KDM4B: variants seen among roughly 807,000 people sequenced by gnomAD.
KDM4B encodes lysine demethylase 4B.
KDM4B carries 32 observed loss-of-function variants against 125.2 expected under a neutral mutation model. That is an observed-to-expected ratio of 0.26 (90% confidence interval 0.19 to 0.34). The LOEUF (loss-of-function observed/expected upper bound fraction) is 0.34, where lower values mean the gene tolerates loss of function less well. KDM4B is among the 10% of genes least tolerant of loss of function. The probability of loss-of-function intolerance (pLI) is 1.00; values close to 1 mark genes in which losing one functional copy is unlikely to be tolerated. For synonymous variants in KDM4B, 721 were observed against 677.9 expected (o/e 1.06, Z -0.99); for missense variants, 1,190 against 1,577.7 (o/e 0.75, Z 4.16).
At chr19:5,109,000 G>C (rs1193129946) in intron 9 of KDM4B, among the ~76,000 whole-genome samples, 1 of 152,188 alleles carries the variant, frequency 6.6e-6, no homozygotes, top group African/African-American at 2.4e-5. Context: ...ATCTAGACCA[G>C]CAATTTCCAA....
chr19:5,037,405 G>A (rs946004921), intron 3 of KDM4B, among the ~76,000 whole-genome samples: 13 of 152,196 alleles, frequency 8.5e-5, no homozygotes, highest in African/African-American at 2.9e-4. Context: ...CAATGTCTTC[G>A]TGTCTCACTG....
intron 9 of KDM4B, among the ~76,000 whole-genome samples, chr19:5,088,271 G>A (rs571738913): frequency 1.8e-4 from 27 of 152,332 alleles, no homozygotes; most frequent in Non-Finnish European, 3.8e-4. Flanking sequence ...GGTTCCATCA[G>A]CCAGATGCGC....
At chr19:5,084,602 A>G (rs914174835) in intron 9 of KDM4B, among the ~76,000 whole-genome samples, 3 of 143,542 alleles carry the variant, frequency 2.1e-5, no homozygotes, top group Non-Finnish European at 3.0e-5. Context: ...AATTATATAA[A>G]TTATATATAT....
chr19:4,981,543 C>T (rs182793318), intron 1 of KDM4B, among the ~76,000 whole-genome samples: 1 of 152,146 alleles, frequency 6.6e-6, no homozygotes, highest in East Asian at 1.9e-4. Context: ...TCTAAATGTG[C>T]CCCTGGGGCC....
chr19:5,045,475 T>C (rs2036996322), intron 5 of KDM4B, among the ~76,000 whole-genome samples: 1 of 152,090 alleles, frequency 6.6e-6, no homozygotes, highest in African/African-American at 2.4e-5. Flanking sequence ...CAACCTCCAC[T>C]TCCTGGGTTC....
chr19:5,102,608 C>T (rs1235075393), intron 9 of KDM4B, among the ~76,000 whole-genome samples: 7 of 152,160 alleles, frequency 4.6e-5, no homozygotes, highest in Admixed American at 4.6e-4. Context: ...CTCCCGGTCT[C>T]TTGCTGTTGG....
intron 9 of KDM4B, among the ~76,000 whole-genome samples, chr19:5,086,961 T>TA (rs1434079454): frequency 6.6e-6 from 1 of 152,242 alleles, no homozygotes; most frequent in Non-Finnish European, 1.5e-5. Context: ...AGCAGGTGGC[T>TA]TACCTACTTA....
intron 14 of KDM4B, 59 bp from the exon 15 acceptor site, chr19:5,135,280 C>G (rs771047128): frequency 1.6e-5 from 20 of 1,252,162 alleles, no homozygotes; most frequent in African/African-American, 5.9e-5. Flanking sequence ...AGGTCCGCGC[C>G]GCCCGCCCGC....
intron 1 of KDM4B, among the ~76,000 whole-genome samples, chr19:4,994,040 T>G (rs1287104345): frequency 2.0e-5 from 3 of 149,806 alleles, no homozygotes; most frequent in Non-Finnish European, 4.4e-5. Flanking sequence ...TTTTTTTTTT[T>G]TTGTTATTGT....
At chr19:4,976,064 A>G (rs751683011) in intron 1 of KDM4B, among the ~76,000 whole-genome samples, 3 of 151,582 alleles carry the variant, frequency 2.0e-5, no homozygotes, top group Non-Finnish European at 4.4e-5. Flanking sequence ...ATCCTGACCA[A>G]TATGGAGAAA....
rs1347803146 is a variant in KDM4B at position 4,997,865 on chromosome 19, G to A, written c.-108-18392G>A. On this transcript the variant is annotated intron_variant, in intron 1 of 22. Transcript: ENST00000159111. The surrounding 1 kb of genome is among the most constrained non-coding windows in gnomAD (Gnocchi z 4.2). ...CCTGGCGGGCCCCAGGGCCAGGAGTGAGGGGCGGACGTGCCACTCTGCACT... is the reference window on the plus strand; with the variant it reads ...CCTGGCGGGCCCCAGGGCCAGGAGTAAGGGGCGGACGTGCCACTCTGCACT... Among the ~76,000 whole-genome samples the A allele has an allele frequency of 6.6e-6, 1 of 152,282 alleles. No individual in the cohort carries two copies. Among genetic ancestry groups the A allele is most frequent in the Non-Finnish European group, 1.5e-5 (1 of 68,050 alleles).
At chr19:4,999,536 C>T (rs1313301456) in intron 1 of KDM4B, among the ~76,000 whole-genome samples, 3 of 152,136 alleles carry the variant, frequency 2.0e-5, no homozygotes, top group East Asian at 3.9e-4. Flanking sequence ...GTCTTTGCTT[C>T]TAGGTCCTCT....
chr19:5,098,234 C>T (rs2038865690), intron 9 of KDM4B, among the ~76,000 whole-genome samples: 1 of 152,162 alleles, frequency 6.6e-6, no homozygotes, highest in Non-Finnish European at 1.5e-5. Flanking sequence ...ATTTCTTTTG[C>T]AATATGATGT....
intron 3 of KDM4B, among the ~76,000 whole-genome samples, chr19:5,034,145 CAAA>C (rs896779190): frequency 8.5e-5 from 13 of 152,126 alleles, no homozygotes; most frequent in Admixed American, 7.9e-4. Flanking sequence ...CAAAACAAAA[CAAA>C]CTTAAAAGTT....
In KDM4B at chr19:5,131,463, T is replaced by G; in HGVS notation, c.1703T>G (p.Met568Arg). Reference sequence around the variant, plus strand: ...ACCTGGAAGGAACCAGTTTCCCCCATGGAGCTGACGGGGCCAGAGGACGGT... The same window carrying G: ...ACCTGGAAGGAACCAGTTTCCCCCAGGGAGCTGACGGGGCCAGAGGACGGT... ...GPTWKEPVSP[M>R]ELTGPEDGAA... Residue 568 changes from methionine to arginine, a missense_variant, in exon 12 of 23, where the codon ATG (methionine) becomes AGG (arginine). Met to Arg is a moderately conservative substitution (Grantham distance 91, BLOSUM62 -1). Around this residue, in one of 7 missense-constraint regions of KDM4B, gnomAD observed 428 missense variants for 405.1 expected, o/e 1.06. Transcript: ENST00000159111. 1.9e-6 allele frequency: 3 copies of G among 1,583,304 alleles called. No individual in the cohort carries two copies. Among genetic ancestry groups the G allele is most frequent in the Admixed American group, 3.6e-5 (2 of 56,274 alleles).
chr19:5,070,047 C>CT (rs1250105438), intron 6 of KDM4B, among the ~76,000 whole-genome samples: 1 of 152,084 alleles, frequency 6.6e-6, no homozygotes, highest in African/African-American at 2.4e-5. Context: ...ATCATGTGTC[C>CT]TCTCATCTGT....
chr19:5,042,685 G>C (rs1037147030), intron 5 of KDM4B, among the ~76,000 whole-genome samples: 25 of 151,728 alleles, frequency 1.6e-4, no homozygotes, highest in South Asian at 4.2e-4. Flanking sequence ...AGAGTGAGGG[G>C]GGGGGCGCCG....
intron 9 of KDM4B, among the ~76,000 whole-genome samples, chr19:5,085,405 A>T (rs1199141115): frequency 6.6e-6 from 1 of 152,204 alleles, no homozygotes; most frequent in Non-Finnish European, 1.5e-5. Flanking sequence ...CCAGCAGCAG[A>T]TTGAGCTGTA....
chr19:5,057,258 A>G (rs368145784), intron 6 of KDM4B, among the ~76,000 whole-genome samples: 3 of 152,032 alleles, frequency 2.0e-5, no homozygotes, highest in East Asian at 1.9e-4. Context: ...TGGCCCGGGC[A>G]GTGAGGCTGT....
Sources: allele counts gnomAD v4.1 joint callset (sites outside exome capture counted in the v4.1 genomes callset), GRCh38; gene constraint gnomAD v4.1.1; regional missense constraint gnomAD v4.1.1; non-coding constraint Gnocchi (gnomAD v3.1); transcripts MANE v1.5; gene names NCBI Gene and HGNC (gene_info 2026-07-23, HGNC 2026-07-21).